The following SLC9D1 variants were observed in gnomAD, a reference collection of about 807,000 sequenced individuals.
The protein encoded by SLC9D1 is putative LAG1-interacting protein.
chr13:113,520,628 A>G, the SLC9D1 span: 1 of 1,613,504 alleles, frequency 6.2e-7, no homozygotes, highest in Non-Finnish European at 8.5e-7. Flanking sequence ...GACATTGACT[A>G]CAGCACCGTG....
At chr13:113,504,337 T>A in the SLC9D1 span, 2 of 152,340 alleles carry the variant, frequency 1.3e-5, no homozygotes, top group South Asian at 2.1e-4. Context: ...TTTTTTAATT[T>A]AAAATTTTTT....
chr13:113,518,912 A>G, the SLC9D1 span, among the ~76,000 whole-genome samples: 1 of 152,254 alleles, frequency 6.6e-6, no homozygotes, highest in Non-Finnish European at 1.5e-5. Flanking sequence ...CAAGCCTTCT[A>G]AAACAATTAC....
At chr13:113,501,880 G>C in the SLC9D1 span, 1 of 1,606,234 alleles carries the variant, frequency 6.2e-7, no homozygotes, top group Non-Finnish European at 8.5e-7. Flanking sequence ...ATAGTATTAA[G>C]GTAAGAACAA....
chr13:113,543,172 AC>A, the SLC9D1 span, among the ~76,000 whole-genome samples: 1 of 10,330 alleles, frequency 9.7e-5, no homozygotes, highest in Non-Finnish European at 1.6e-4. Flanking sequence ...CTCTGTCCGG[AC>A]CCCACCTCCT....
At chr13:113,526,530 G>A in the SLC9D1 span, among the ~76,000 whole-genome samples, 247 of 151,982 alleles carry the variant, frequency 1.6e-3, no homozygotes, top group African/African-American at 3.9e-3. Context: ...ACCAGCCTGG[G>A]CAACATAGCA....
chr13:113,512,297 C>T, the SLC9D1 span, among the ~76,000 whole-genome samples: 104 of 98,734 alleles, frequency 1.1e-3, no homozygotes, highest in Admixed American at 1.2e-3. Context: ...TATATATATA[C>T]ACTCGGAGTC....
At chr13:113,549,569 A>G in the SLC9D1 span, 35 of 1,613,392 alleles carry the variant, frequency 2.2e-5, no homozygotes, top group South Asian at 2.9e-4. Context: ...GTGGAAGGGA[A>G]GCGTCTGTGG....
chr13:113,518,238 C>A, the SLC9D1 span, among the ~76,000 whole-genome samples: 3 of 152,274 alleles, frequency 2.0e-5, no homozygotes, highest in East Asian at 5.8e-4. Context: ...CGTCACTACT[C>A]CGAGCACTTG....
chr13:113,530,344 A>G, the SLC9D1 span: 1 of 152,220 alleles, frequency 6.6e-6, no homozygotes, highest in East Asian at 1.9e-4. Context: ...TATACTTTAA[A>G]TGGGTAAGTT....
At chr13:113,540,662 G>A in the SLC9D1 span, among the ~76,000 whole-genome samples, 3 of 152,220 alleles carry the variant, frequency 2.0e-5, no homozygotes, top group African/African-American at 7.2e-5. Context: ...TAGTTTGCAA[G>A]TATTCTCTCG....
the SLC9D1 span, among the ~76,000 whole-genome samples, chr13:113,506,816 A>G: frequency 3.3e-5 from 5 of 152,192 alleles, no homozygotes; most frequent in Non-Finnish European, 7.3e-5. Context: ...ATAATGTTGT[A>G]TAACGTAAGG....
the SLC9D1 span, chr13:113,549,615 C>T: frequency 6.3e-7 from 1 of 1,590,566 alleles, no homozygotes; most frequent in South Asian, 1.1e-5. Flanking sequence ...GCTGCTCCTT[C>T]TGGGAAGCTC....
chr13:113,506,165 T>C, the SLC9D1 span: 1 of 128,946 alleles, frequency 7.8e-6, no homozygotes, highest in Non-Finnish European at 1.4e-5. Flanking sequence ...CGTGGCTGCC[T>C]GGCCTGTGGA....
chr13:113,505,236 T>C, the SLC9D1 span: 3 of 152,236 alleles, frequency 2.0e-5, no homozygotes, highest in Admixed American at 6.5e-5. Flanking sequence ...TGTGGAGATT[T>C]TCTCCAGCTC....
chr13:113,548,869 C>G, the SLC9D1 span, among the ~76,000 whole-genome samples: 2 of 152,138 alleles, frequency 1.3e-5, no homozygotes, highest in African/African-American at 4.8e-5. Flanking sequence ...GGCCTTGTCT[C>G]CTTGCATTGT....
At chr13:113,544,406 G>C in the SLC9D1 span, among the ~76,000 whole-genome samples, 428 of 152,098 alleles carry the variant, frequency 2.8e-3, 3 homozygotes, top group African/African-American at 9.9e-3. Flanking sequence ...TGGCAGTGTG[G>C]CTCCGGCCCA....
At chr13:113,517,483 C>A in the SLC9D1 span, among the ~76,000 whole-genome samples, 1 of 152,114 alleles carries the variant, frequency 6.6e-6, no homozygotes. Context: ...CCGCCTTGGC[C>A]TCCCAAAGTG....
the SLC9D1 span, chr13:113,520,451 T>C: frequency 6.1e-6 from 3 of 490,650 alleles, no homozygotes; most frequent in Non-Finnish European, 1.1e-5. Flanking sequence ...GCCACTGCAC[T>C]CCAGCCTGGG....
At chr13:113,507,676 T>C in the SLC9D1 span, among the ~76,000 whole-genome samples, 1 of 152,242 alleles carries the variant, frequency 6.6e-6, no homozygotes, top group Non-Finnish European at 1.5e-5. Flanking sequence ...CTTAAGAGTC[T>C]GTCAGTTTCT....
Sources: allele counts gnomAD v4.1 joint callset (sites outside exome capture counted in the v4.1 genomes callset), GRCh38; gene constraint gnomAD v4.1.1; transcripts MANE v1.5; gene names NCBI Gene and HGNC (gene_info 2026-07-23, HGNC 2026-07-21).